BLTP3A: variants seen among roughly 807,000 people sequenced by gnomAD.
BLTP3A encodes the protein ICBP90 binding protein 1.
the BLTP3A span, chr6:34,855,722 G>T: frequency 9.5e-5 from 153 of 1,612,936 alleles, no homozygotes; most frequent in African/African-American, 1.5e-3. Flanking sequence ...AACTCTGAAT[G>T]GGGCCAATTC....
the BLTP3A span, chr6:34,877,135 G>A: frequency 6.5e-6 from 1 of 152,752 alleles, no homozygotes; most frequent in East Asian, 1.9e-4. Flanking sequence ...AAAGCCATGG[G>A]TTTTAATGTA....
At chr6:34,840,817 C>T in the BLTP3A span, among the ~76,000 whole-genome samples, 11 of 151,352 alleles carry the variant, frequency 7.3e-5, no homozygotes, top group Non-Finnish European at 1.3e-4. Flanking sequence ...GCAGTTTCAC[C>T]GTATGAACCA....
the BLTP3A span, among the ~76,000 whole-genome samples, chr6:34,816,725 C>T: frequency 2.0e-5 from 3 of 152,144 alleles, no homozygotes; most frequent in African/African-American, 7.2e-5. Context: ...TACTTCCATC[C>T]TTGACAGTGG....
the BLTP3A span, among the ~76,000 whole-genome samples, chr6:34,861,144 AT>A: frequency 3.7e-4 from 55 of 147,078 alleles, no homozygotes; most frequent in Non-Finnish European, 3.5e-4. Context: ...TTAATTTTTA[AT>A]TTTTTTTTTT....
At chr6:34,870,364 T>G in the BLTP3A span, among the ~76,000 whole-genome samples, 1 of 152,242 alleles carries the variant, frequency 6.6e-6, no homozygotes, top group African/African-American at 2.4e-5. Context: ...GTTCCATAAA[T>G]GTGTAAGTTG....
the BLTP3A span, chr6:34,874,649 A>G: frequency 6.6e-6 from 1 of 152,264 alleles, no homozygotes; most frequent in Admixed American, 6.5e-5. Context: ...AGAATTATCA[A>G]CTGATATGCC....
At chr6:34,856,435 C>G in the BLTP3A span, 5 of 1,605,722 alleles carry the variant, frequency 3.1e-6, no homozygotes, top group Non-Finnish European at 4.2e-6. Flanking sequence ...CTGGAAGACT[C>G]CAGTTGCTTA....
the BLTP3A span, among the ~76,000 whole-genome samples, chr6:34,824,885 G>A: frequency 2.0e-5 from 3 of 152,002 alleles, no homozygotes; most frequent in African/African-American, 7.2e-5. Context: ...TGGCCAGGCT[G>A]GTCTCGAACT....
chr6:34,839,473 G>A, the BLTP3A span, among the ~76,000 whole-genome samples: 1 of 152,140 alleles, frequency 6.6e-6, no homozygotes, highest in Admixed American at 6.6e-5. Context: ...TTGAAATGTG[G>A]CTGATTCAAA....
At chr6:34,862,385 A>AT in the BLTP3A span, among the ~76,000 whole-genome samples, 309 of 151,866 alleles carry the variant, frequency 2.0e-3, 3 homozygotes, top group African/African-American at 7.2e-3. Flanking sequence ...CAAAAAAAAA[A>AT]AATAATAATA....
At chr6:34,843,216 T>C in the BLTP3A span, among the ~76,000 whole-genome samples, 1 of 152,176 alleles carries the variant, frequency 6.6e-6, no homozygotes, top group Non-Finnish European at 1.5e-5. Flanking sequence ...ACTCCTGAGC[T>C]CAAGCAATCC....
At chr6:34,802,141 CT>C in the BLTP3A span, among the ~76,000 whole-genome samples, 3 of 152,154 alleles carry the variant, frequency 2.0e-5, no homozygotes, top group Non-Finnish European at 4.4e-5. Flanking sequence ...TGCTGTTACT[CT>C]TGGTATTGGA....
At chr6:34,858,636 C>T in the BLTP3A span, 3 of 1,614,206 alleles carry the variant, frequency 1.9e-6, no homozygotes, top group Non-Finnish European at 2.5e-6. Context: ...GAAGTCCTGT[C>T]CAGTCTGAGG....
chr6:34,861,790 G>A, the BLTP3A span, among the ~76,000 whole-genome samples: 1 of 152,102 alleles, frequency 6.6e-6, no homozygotes, highest in African/African-American at 2.4e-5. Context: ...TCACCATGTT[G>A]CACAGGCTGG....
At chr6:34,836,900 TTGAC>T in the BLTP3A span, among the ~76,000 whole-genome samples, 1 of 152,250 alleles carries the variant, frequency 6.6e-6, no homozygotes, top group African/African-American at 2.4e-5. Context: ...AAAAAACTAA[TTGAC>T]TGATTGCTTT....
chr6:34,856,664 C>G, the BLTP3A span: 10 of 1,293,944 alleles, frequency 7.7e-6, no homozygotes, highest in African/African-American at 1.3e-4. Context: ...CATCCAGGAG[C>G]TAGACAGTGT....
chr6:34,802,987 G>T, the BLTP3A span, among the ~76,000 whole-genome samples: 1 of 151,832 alleles, frequency 6.6e-6, no homozygotes, highest in Non-Finnish European at 1.5e-5. Flanking sequence ...GCCACCCTGG[G>T]CAACATGGTG....
At chr6:34,794,736 T>C in the BLTP3A span, among the ~76,000 whole-genome samples, 2 of 152,170 alleles carry the variant, frequency 1.3e-5, no homozygotes, top group African/African-American at 4.8e-5. Context: ...CTGGTACACT[T>C]TTCTCTGTAA....
the BLTP3A span, among the ~76,000 whole-genome samples, chr6:34,860,193 G>A: frequency 6.6e-6 from 1 of 151,940 alleles, no homozygotes; most frequent in Non-Finnish European, 1.5e-5. Context: ...TAATAGAGAA[G>A]GAAGAATTTC....
Sources: allele counts gnomAD v4.1 joint callset (sites outside exome capture counted in the v4.1 genomes callset), GRCh38; gene constraint gnomAD v4.1.1; transcripts MANE v1.5; gene names NCBI Gene and HGNC (gene_info 2026-07-23, HGNC 2026-07-21).